The following MED20 variants were observed in gnomAD, a reference collection of about 807,000 sequenced individuals.
MED20 encodes mediator complex subunit 20.
MED20 carries 19 observed loss-of-function variants against 19.7 expected under a neutral mutation model. That is an observed-to-expected ratio of 0.96 (90% CI 0.67 to 1.42). The LOEUF is 1.42. MED20 is among the 40% of genes most tolerant of loss of function. The pLI is 0.00. For missense variants in MED20, 225 were observed against 273.0 expected (o/e 0.82, Z 1.24); for synonymous variants, 105 against 104.8 (o/e 1.00, Z -0.01).
At chr6:41,914,638 A>G (rs1294132862) in intron 2 of MED20, among the ~76,000 whole-genome samples, 1 of 151,974 alleles carries the variant, frequency 6.6e-6, no homozygotes, top group Non-Finnish European at 1.5e-5. Flanking sequence ...CTCATTGCCT[A>G]AGCCCAGGAG....
At chr6:41,910,288 C>T (rs1372164617) in intron 2 of MED20, among the ~76,000 whole-genome samples, 1 of 152,140 alleles carries the variant, frequency 6.6e-6, no homozygotes, top group Non-Finnish European at 1.5e-5. Flanking sequence ...TTTCCATAGG[C>T]TATTTGCAAT....
intron 1 of MED20, chr6:41,917,900 A>G (rs1472548257): frequency 1.8e-5 from 7 of 392,472 alleles, no homozygotes; most frequent in Non-Finnish European, 4.0e-5. Context: ...CATCACAGAA[A>G]GTGCTATTCA....
intron 2 of MED20, 77 bp from the exon 3 acceptor site, chr6:41,909,599 C>G (rs1035421825): frequency 3.2e-6 from 5 of 1,566,112 alleles, no homozygotes; most frequent in Non-Finnish European, 2.6e-6. Flanking sequence ...TGACTCCCCC[C>G]GGAATGAGGC....
rs41273798 is a variant in MED20 at position 41,906,527 on chromosome 6, A to T, written c.*545T>A. The stretch of plus-strand genomic sequence containing the variant: ...CAAAGGACTCAGGCAACACCCTAGG[A>T]AAGTCAATTCGCAAATCACTTCAGC... On this transcript the variant is annotated 3_prime_UTR_variant, in exon 4 of 4. Coordinates refer to ENST00000265350, the MANE Select transcript of MED20 (RefSeq NM_004275.5). The T allele has an allele frequency of 0.016, 2,458 of 153,806 alleles. 72 individuals are homozygous for T. Among genetic ancestry groups the T allele is most frequent in the African/African-American group, 0.056 (2,309 of 41,564 alleles). The allele number at this position is 153,806 out of a possible 1,614,324, so 9.5% of individuals were successfully genotyped here. A position where few individuals can be genotyped will look rare whatever the true frequency, so the allele number is the denominator to read the frequency against.
At chr6:41,914,726 A>G (rs1262555844) in intron 2 of MED20, among the ~76,000 whole-genome samples, 1 of 151,966 alleles carries the variant, frequency 6.6e-6, no homozygotes, top group African/African-American at 2.4e-5. Flanking sequence ...AAAAAGAAAA[A>G]AAAAAAAAGT....
At chr6:41,919,857 A>C (rs1582066656) in intron 1 of MED20, among the ~76,000 whole-genome samples, 1 of 152,208 alleles carries the variant, frequency 6.6e-6, no homozygotes, top group East Asian at 1.9e-4. Flanking sequence ...TCCATTAAGG[A>C]ACACAGGAGG....
intron 2 of MED20, among the ~76,000 whole-genome samples, chr6:41,915,716 G>T (rs998748091): frequency 6.6e-6 from 1 of 151,816 alleles, no homozygotes; most frequent in African/African-American, 2.4e-5. Context: ...GAACCCTGGA[G>T]GCGGAGCTTG....
chr6:41,919,333 A>G (rs1775400264), intron 1 of MED20, among the ~76,000 whole-genome samples: 1 of 152,124 alleles, frequency 6.6e-6, no homozygotes, highest in Non-Finnish European at 1.5e-5. Flanking sequence ...AAATCGATTA[A>G]AAAATTAATA....
intron 1 of MED20, 76 bp from the exon 2 acceptor site, chr6:41,917,015 C>T (rs1347941372): frequency 6.7e-7 from 1 of 1,503,240 alleles, no homozygotes; most frequent in Admixed American, 1.7e-5. Flanking sequence ...TCGCCCACAG[C>T]ATCACAGCTC....
In MED20 at chr6:41,907,165, C is replaced by T. The variant is rs751706524; in HGVS notation, c.546G>A (p.Ala182=). 1.4e-5 allele frequency: 23 copies of T among 1,614,022 alleles called. No individual in the cohort carries two copies. Among genetic ancestry groups the T allele is most frequent in the Non-Finnish European group, 1.9e-5 (22 of 1,180,024 alleles). The change falls in exon 4 of 4, where the codon GCG becomes GCA. Residue 182 remains alanine, a synonymous_variant. Coordinates refer to ENST00000265350, the MANE Select transcript of MED20 (RefSeq NM_004275.5). ...APAVFGNRHD[A]VYGPADTMVQ... ...CCATGGTATCTGCTGGGCCGTAGAC[C>T]GCATCATGTCTGTTCCCAAACACTG...
At chr6:41,916,709 G>A in intron 2 of MED20, 76 bp downstream of exon 2, 2 of 1,554,642 alleles carry the variant, frequency 1.3e-6, no homozygotes, top group East Asian at 2.3e-5. Context: ...CAGAAAAGCA[G>A]AAAGACTTCA....
chr6:41,918,189 T>C (rs1443369481), intron 1 of MED20, among the ~76,000 whole-genome samples: 1 of 152,162 alleles, frequency 6.6e-6, no homozygotes, highest in Non-Finnish European at 1.5e-5. Context: ...TATGAAGGTG[T>C]GTTATTTATC....
chr6:41,910,921 CAACA>C (rs1361379205), intron 2 of MED20, among the ~76,000 whole-genome samples: 17 of 151,708 alleles, frequency 1.1e-4, no homozygotes, highest in Non-Finnish European at 2.5e-4. Flanking sequence ...CCAGCCTGGC[CAACA>C]TGGTAAAACC....
At chr6:41,920,046 A>G (rs1275516409) in intron 1 of MED20, among the ~76,000 whole-genome samples, 1 of 152,190 alleles carries the variant, frequency 6.6e-6, no homozygotes, top group Admixed American at 6.5e-5. Context: ...ATCTACTGAG[A>G]TAAGAAAAAA....
At chr6:41,909,803 A>C (rs1775147084) in intron 2 of MED20, among the ~76,000 whole-genome samples, 1 of 152,224 alleles carries the variant, frequency 6.6e-6, no homozygotes, top group Non-Finnish European at 1.5e-5. Flanking sequence ...TTAATTCTTA[A>C]GTTGAGTGGT....
intron 2 of MED20, among the ~76,000 whole-genome samples, chr6:41,916,075 T>G (rs563876697): frequency 1.8e-4 from 27 of 151,832 alleles, no homozygotes; most frequent in Middle Eastern, 3.4e-3. Flanking sequence ...AGGGAGACCC[T>G]GTCTCTACAA....
intron 1 of MED20, 128 bp from the exon 2 acceptor site, chr6:41,917,067 G>A (rs143380770): frequency 2.8e-5 from 27 of 975,390 alleles, no homozygotes; most frequent in South Asian, 4.0e-5. Context: ...TACTCTGACC[G>A]TCTCCCAATC....
In MED20 at chr6:41,916,792, G is replaced by C; in HGVS notation, c.162C>G (p.Gly54=). 1 of 1,613,924 alleles carries C rather than the reference G, an allele frequency of 6.2e-7. No individual in the cohort carries two copies. Among genetic ancestry groups the C allele is most frequent in the Non-Finnish European group, 8.5e-7 (1 of 1,179,874 alleles). ...CAGACCCATCTCACTGACCTTGGCT[G>C]CCAAGGGTAGAGGCGGCCGTATGGT... The part of the protein sequence containing the change: ...ETYHTAASTL[G]SQGQTGKLMY... The change falls in exon 2 of 4, where the codon GGC becomes GGG. Residue 54 remains glycine (G), a synonymous_variant. Transcript: ENST00000265350.
rs376114721 is a variant in MED20, at chr6:41,909,494, C to T, written c.198G>A (p.Met66Ile). 18 of 1,614,090 alleles carry T rather than the reference C, an allele frequency of 1.1e-5. No individual in the cohort carries two copies. The highest frequency in any genetic ancestry group is 1.1e-4 in the African/African-American group (8 of 74,930). Reference sequence around the variant, plus strand: ...AGCTCAATGGGTACTCTGAGTTGTGCATCACATACATCAGCTTCCCGGTCT... The same window carrying T: ...AGCTCAATGGGTACTCTGAGTTGTGTATCACATACATCAGCTTCCCGGTCT... ...QGQTGKLMYV[M>I]HNSEYPLSCF... Residue 66 changes from methionine (M) to isoleucine (I), a missense_variant, in exon 3 of 4, where the codon ATG becomes ATA. Coordinates refer to ENST00000265350, the MANE Select transcript of MED20 (RefSeq NM_004275.5).
Sources: allele counts gnomAD v4.1 joint callset (sites outside exome capture counted in the v4.1 genomes callset), GRCh38; gene constraint gnomAD v4.1.1; transcripts MANE v1.5; gene names NCBI Gene and HGNC (gene_info 2026-07-23, HGNC 2026-07-21).